Variants in DHX9 observed in about 807,000 individuals in gnomAD.
DHX9 encodes ATP-dependent RNA helicase A.
Under a neutral mutation model 148.7 loss-of-function variants are expected in DHX9, and 27 were observed. The ratio of observed to expected loss-of-function variants is 0.18; its 90% CI spans 0.13 to 0.25. The LOEUF is 0.25. DHX9 is among the 10% of genes least tolerant of loss of function. The pLI is 1.00. For synonymous variants in DHX9, 529 were observed against 516.6 expected (o/e 1.02, Z -0.33); for missense variants, 796 against 1,559.6 (o/e 0.51, Z 8.25).
chr1:182,849,057 C>T (rs1388660128), intron 3 of DHX9, among the ~76,000 whole-genome samples: 2 of 152,154 alleles, frequency 1.3e-5, no homozygotes, highest in Non-Finnish European at 2.9e-5. Flanking sequence ...ATTTGGGCAG[C>T]GATACGTAAC....
chr1:182,864,324 TC>T (rs1648182243), intron 12 of DHX9, among the ~76,000 whole-genome samples: 1 of 152,206 alleles, frequency 6.6e-6, no homozygotes. Context: ...CCTCCAGCAT[TC>T]CTCCTGCCTT....
At position 182,858,247 on chromosome 1, in the gene DHX9, C is replaced by G. The variant is rs370267779; in HGVS notation, c.810+7C>G. On this transcript the variant is annotated splice_region_variant and intron_variant, in intron 8 of 27. Coordinates refer to ENST00000367549, the MANE Select transcript of DHX9 (RefSeq NM_001357.5). ...GAAGAAGGAAGGAGAGACAGTGAGT[C>G]TTTAGATTTAATAGACTTGTGAGAT... 1.2e-6 allele frequency: 2 copies of G among 1,611,646 alleles called. No homozygotes were observed. Among genetic ancestry groups the G allele is most frequent in the Admixed American group, 1.7e-5 (1 of 59,386 alleles).
At chr1:182,865,096 T>G (rs910107729) in intron 12 of DHX9, among the ~76,000 whole-genome samples, 2 of 152,054 alleles carry the variant, frequency 1.3e-5, no homozygotes, top group Admixed American at 6.6e-5. Flanking sequence ...AGAAAAACTA[T>G]AGGGAAGACA....
At chr1:182,863,270 T>G (rs1648070448) in intron 12 of DHX9, among the ~76,000 whole-genome samples, 1 of 152,228 alleles carries the variant, frequency 6.6e-6, no homozygotes, top group African/African-American at 2.4e-5. Flanking sequence ...AAAGGAAATT[T>G]GAAGTCTTAA....
intron 9 of DHX9, 35 bp from the exon 10 acceptor site, chr1:182,858,698 C>CA (rs1158848097): frequency 1.9e-5 from 31 of 1,612,416 alleles, no homozygotes; most frequent in Non-Finnish European, 2.6e-5. Flanking sequence ...ACAAGCAAAT[C>CA]ATATTTTTTG....
At chr1:182,884,936 C>T (rs1649256870) in intron 27 of DHX9, 123 bp downstream of exon 27, 3 of 813,008 alleles carry the variant, frequency 3.7e-6, no homozygotes, top group Non-Finnish European at 5.9e-6. Flanking sequence ...ATAGATAGAG[C>T]TATATAGATA....
Position 182,876,436 on chromosome 1 carries a change from T to C in DHX9, c.2030-11T>C. ...GTTTTTAGTCCCTGATTGTTCTTTA[T>C]TGTTATATAGGAAGCCATCGGTATC... On this transcript the variant is annotated splice_polypyrimidine_tract_variant and intron_variant, in intron 17 of 27. Coordinates refer to ENST00000367549, the MANE Select transcript of DHX9 (RefSeq NM_001357.5). The C allele has an allele frequency of 1.2e-6, 2 of 1,611,142 alleles. No individual in the cohort carries two copies. Among genetic ancestry groups the C allele is most frequent in the East Asian group, 2.2e-5 (1 of 44,876 alleles).
At chr1:182,846,144 G>C (rs1428214918) in intron 3 of DHX9, among the ~76,000 whole-genome samples, 1 of 152,000 alleles carries the variant, frequency 6.6e-6, no homozygotes, top group African/African-American at 2.4e-5. Flanking sequence ...CCAGCCAGCA[G>C]TCAACTCGTT....
At chr1:182,849,147 GA>G (rs1231312244) in intron 3 of DHX9, among the ~76,000 whole-genome samples, 1 of 152,118 alleles carries the variant, frequency 6.6e-6, no homozygotes, top group African/African-American at 2.4e-5. Context: ...ATTTCATCTG[GA>G]ACTTACCCTT....
chr1:182,856,624 A>C, intron 7 of DHX9, 46 bp downstream of exon 7: 1 of 1,553,272 alleles, frequency 6.4e-7, no homozygotes, highest in South Asian at 1.1e-5. Context: ...TGTATAGAGA[A>C]GGAATCTTCA....
intron 8 of DHX9, 134 bp from the exon 9 acceptor site, chr1:182,858,417 T>C: frequency 9.4e-7 from 1 of 1,059,836 alleles, no homozygotes; most frequent in South Asian, 1.6e-5. Flanking sequence ...TAAATAATCA[T>C]TGAAGTAATT....
chr1:182,843,318 A>G lies in DHX9; in HGVS notation c.136A>G (p.Thr46Ala). 1 of 1,604,296 alleles carries G rather than the reference A, an allele frequency of 6.2e-7. No individual in the cohort carries two copies. The highest frequency in any genetic ancestry group is 8.5e-7 in the Non-Finnish European group (1 of 1,176,596). ...GGTTCAGGTGGAAGGTTATAATTACACTGGCATGGGAAATTCCACCAATAA... is the reference window on the plus strand; with the variant it reads ...GGTTCAGGTGGAAGGTTATAATTACGCTGGCATGGGAAATTCCACCAATAA... ...CEVQVEGYNY[T>A]GMGNSTNKKD... The change falls in exon 3 of 28, where the codon ACT becomes GCT. Residue 46 changes from threonine to alanine, a missense_variant. By Grantham distance (58) the Thr-to-Ala change is moderately conservative. Transcript: ENST00000367549.
At chr1:182,863,645 A>G (rs778414743) in intron 12 of DHX9, among the ~76,000 whole-genome samples, 4 of 152,174 alleles carry the variant, frequency 2.6e-5, no homozygotes, top group Non-Finnish European at 4.4e-5. Flanking sequence ...TTAAGGGATA[A>G]GTAGAGCATC....
rs186476806 is a variant in DHX9, at chr1:182,858,459, G to T, written c.811-92G>T. ...CAAAAGGGAACTGACTATTGGTTTA[G>T]GAATATTGTAGACCTAGTGTTGACT... On this transcript the variant is annotated intron_variant, in intron 8 of 27. Transcript: ENST00000367549. 54 of 1,208,032 alleles carry T rather than the reference G, an allele frequency of 4.5e-5. No homozygotes were observed. The East Asian group carries it at 5.6e-4, about 13-fold the overall frequency. The allele number at this position is 1,208,032 out of a possible 1,614,324, so 74.8% of individuals were successfully genotyped here.
rs773499158 is a variant in DHX9 at position 182,878,218 on chromosome 1, C to T, written c.2351+45C>T. On this transcript the variant is annotated intron_variant, in intron 20 of 27. Coordinates refer to ENST00000367549, the MANE Select transcript of DHX9 (RefSeq NM_001357.5). ...TTTAGTAAGGGATTTTTGTTCTGTT[C>T]TCTGTAGGGACAGATGTGTGCAGTT... 3.7e-6 allele frequency: 6 copies of T among 1,607,142 alleles called. No individual in the cohort carries two copies. In the East Asian group the frequency reaches 1.3e-4, roughly 36 times the overall value.
intron 11 of DHX9, 34 bp from the exon 12 acceptor site, chr1:182,859,959 G>C (rs375801555): frequency 4.4e-6 from 7 of 1,578,594 alleles, no homozygotes; most frequent in African/African-American, 1.4e-5. Flanking sequence ...TGTGTTGGTA[G>C]ACATTTGACT....
At chr1:182,875,169 C>T (rs1448410849) in intron 16 of DHX9, 22 of 574,974 alleles carry the variant, frequency 3.8e-5, no homozygotes, top group Non-Finnish European at 5.9e-5. Context: ...TTATCTCTGG[C>T]GTAAAGATCA....
rs1326828312 is a variant in DHX9, at chr1:182,880,370, T to C, written c.2513-127T>C. On this transcript the variant is annotated intron_variant, in intron 21 of 27. Transcript: ENST00000367549. ...TACAGAGAATTGTTGGCCGTAGACA[T>C]GGTATTAGCGATTGGCTTGACAAAA... The C allele has an allele frequency of 5.3e-6, 3 of 564,992 alleles. No individual in the cohort carries two copies. In the East Asian group the frequency reaches 8.8e-5, roughly 17 times the overall value. The allele number at this position is 564,992 out of a possible 1,614,324, so 35.0% of individuals were successfully genotyped here. A position where few individuals can be genotyped will look rare whatever the true frequency, so the allele number is the denominator to read the frequency against.
At chr1:182,850,243 T>A (rs1385963052) in intron 3 of DHX9, among the ~76,000 whole-genome samples, 1 of 152,144 alleles carries the variant, frequency 6.6e-6, no homozygotes, top group African/African-American at 2.4e-5. Flanking sequence ...AATGCATCAG[T>A]ACTTGACTAT....
Sources: allele counts gnomAD v4.1 joint callset (sites outside exome capture counted in the v4.1 genomes callset), GRCh38; gene constraint gnomAD v4.1.1; transcripts MANE v1.5; gene names NCBI Gene and HGNC (gene_info 2026-07-23, HGNC 2026-07-21).